Variants in PER2 observed in about 807,000 individuals in gnomAD.
PER2 encodes the protein period circadian regulator 2.
In PER2, 66 loss-of-function variants were observed where a neutral mutation model predicts 121.0. That is an observed-to-expected ratio of 0.55 (90% CI 0.45 to 0.67). The LOEUF (loss-of-function observed/expected upper bound fraction) is 0.67. PER2 is among the 30% of genes least tolerant of loss of function. The pLI is 0.00. For missense variants in PER2, 1,521 were observed against 1,635.0 expected (o/e 0.93, Z 1.20); for synonymous variants, 684 against 659.9 (o/e 1.04, Z -0.56).
In PER2 at chr2:238,253,148, G is replaced by C; in HGVS notation, c.2875C>G (p.Pro959Ala). ...FPSRTSIPRQ[P>A]CACPATRATP... ...GCCCGGGTGGCTGGACAAGCACATG[G>C]CTGTCTGGGGATCGAGGTCCGGCTG... The change falls in exon 19 of 23, where the codon CCA becomes GCA. Residue 959 changes from proline (P) to alanine (A), a missense_variant. By Grantham distance (27) the Pro-to-Ala change is conservative. Transcript: ENST00000254657. The surrounding 1 kb of genome is among the most constrained non-coding windows in gnomAD (Gnocchi z 5.6). 6.2e-7 allele frequency: 1 copy of C among 1,600,132 alleles called. No homozygotes were observed. Among genetic ancestry groups the C allele is most frequent in the Non-Finnish European group, 8.5e-7 (1 of 1,170,092 alleles).
At chr2:238,287,646 A>G (rs915171171) in intron 1 of PER2, among the ~76,000 whole-genome samples, 5 of 152,222 alleles carry the variant, frequency 3.3e-5, no homozygotes, top group African/African-American at 4.8e-5. Flanking sequence ...GATCCTGCAG[A>G]CAGCCTGGGC....
In PER2 at chr2:238,252,113, C is replaced by A. The variant is rs987180886; in HGVS notation, c.3112-352G>T. On this transcript the variant is annotated intron_variant, in intron 19 of 22. Coordinates refer to ENST00000254657, the MANE Select transcript of PER2 (RefSeq NM_022817.3). This position sits in a 1 kb window ranked among gnomAD's most constrained non-coding sequence, Gnocchi z 4.2. ...TGGATGGGGAAAACGCCTCTCACAG[C>A]ACCCGGTGTGGGGGCTGCCTTGGGA... 7.2e-5 allele frequency among the ~76,000 whole-genome samples: 11 copies of A among 152,212 alleles called. No homozygotes were observed. The highest frequency in any genetic ancestry group is 2.4e-4 in the African/African-American group (10 of 41,460).
At chr2:238,259,336 G>GT (rs1274482654) in intron 14 of PER2, among the ~76,000 whole-genome samples, 4 of 152,228 alleles carry the variant, frequency 2.6e-5, no homozygotes, top group African/African-American at 9.6e-5. Context: ...GTGTGCACAC[G>GT]TGTCTGTGTG....
At chr2:238,247,025 T>C (rs953541568) in intron 22 of PER2, among the ~76,000 whole-genome samples, 1 of 152,102 alleles carries the variant, frequency 6.6e-6, no homozygotes, top group Admixed American at 6.5e-5. Flanking sequence ...TCCAGAGGCA[T>C]AGGGTATATA....
chr2:238,249,352 A>C (rs1695537391), intron 21 of PER2, 140 bp from the exon 22 acceptor site: 1 of 774,666 alleles, frequency 1.3e-6, no homozygotes, highest in Non-Finnish European at 2.1e-6. Flanking sequence ...ATTTAAGGTA[A>C]CTTAATCTCC....
rs750516287 is a variant in PER2 at position 238,255,635 on chromosome 2, T to C, written c.2320+22A>G. On this transcript the variant is annotated intron_variant, in intron 18 of 22. Transcript: ENST00000254657. ...AGGAATAAAGTTTTTTAAAACGCAC[T>C]TTTAATTCGGGTATCACTTACTTCG... 13 of 1,614,034 alleles carry C rather than the reference T, an allele frequency of 8.1e-6. No individual in the cohort carries two copies. In the South Asian group the frequency reaches 1.3e-4, roughly 16 times the overall value.
At chr2:238,295,877 C>A in the PER2 span, 1 of 211,384 alleles carries the variant, frequency 4.7e-6, no homozygotes, top group South Asian at 5.7e-5. Flanking sequence ...AACGGGCTCC[C>A]TCTGGCCCTG....
intron 18 of PER2, chr2:238,255,429 A>G (rs1695729729): frequency 1.7e-6 from 1 of 602,898 alleles, no homozygotes; most frequent in East Asian, 2.8e-5. Context: ...CACCTCGGGC[A>G]CTAGCCTGGG....
chr2:238,252,020 C>G lies in PER2; in HGVS notation c.3112-259G>C, dbSNP rs761936626. Among the ~76,000 whole-genome samples, 3 of 152,182 alleles carry G rather than the reference C, an allele frequency of 2.0e-5. No homozygotes were observed. Among genetic ancestry groups the G allele is most frequent in the Non-Finnish European group, 4.4e-5 (3 of 68,020 alleles). On this transcript the variant is annotated intron_variant, in intron 19 of 22. Transcript: ENST00000254657. This position sits in a 1 kb window ranked among gnomAD's most constrained non-coding sequence, Gnocchi z 4.2. ...AGAGTCACATGGAAGACGGCAATAC[C>G]TGGGCTCCAGGGGGGAAAGCCTCAG...
intron 21 of PER2, among the ~76,000 whole-genome samples, chr2:238,250,314 G>A (rs1695562884): frequency 6.6e-6 from 1 of 152,262 alleles, no homozygotes; most frequent in South Asian, 2.1e-4. Context: ...CTCGAAGGCT[G>A]TAGGGTGTGA....
intron 12 of PER2, 41 bp downstream of exon 12, chr2:238,261,688 G>A (rs1695937823): frequency 7.4e-7 from 1 of 1,345,156 alleles, no homozygotes; most frequent in East Asian, 2.5e-5. Context: ...GGGGCTCTCA[G>A]GCTGCTACCT....
At chr2:238,264,773 C>A (rs1696043271) in intron 9 of PER2, among the ~76,000 whole-genome samples, 1 of 152,156 alleles carries the variant, frequency 6.6e-6, no homozygotes, top group Non-Finnish European at 1.5e-5. Flanking sequence ...CAGGTGCACA[C>A]CACCACACCC....
At chr2:238,255,336 C>T (rs1176181624) in intron 18 of PER2, 3 of 444,556 alleles carry the variant, frequency 6.7e-6, no homozygotes, top group Non-Finnish European at 1.2e-5. Flanking sequence ...CTCTGGAGGT[C>T]CCGTCCAGGT....
intron 22 of PER2, among the ~76,000 whole-genome samples, chr2:238,248,730 C>A (rs1695513642): frequency 6.6e-6 from 1 of 151,496 alleles, no homozygotes; most frequent in African/African-American, 2.4e-5. Flanking sequence ...ATCTTGGCTC[C>A]CTGCAAGCTC....
upstream of PER2, among the ~76,000 whole-genome samples, chr2:238,294,786 G>C (rs574700184): frequency 6.6e-6 from 1 of 152,208 alleles, no homozygotes; most frequent in East Asian, 1.9e-4. Flanking sequence ...AGGGAAGGCC[G>C]CAAAGTCAGG....
chr2:238,257,857 T>C (rs1433121252), intron 16 of PER2, among the ~76,000 whole-genome samples: 2 of 152,270 alleles, frequency 1.3e-5, no homozygotes, highest in Non-Finnish European at 2.9e-5. Flanking sequence ...ATGTGATTTA[T>C]GGGCCATGTT....
chr2:238,262,419 A>C, intron 10 of PER2, 75 bp from the exon 11 acceptor site: 1 of 1,453,182 alleles, frequency 6.9e-7, no homozygotes, highest in Admixed American at 1.7e-5. Context: ...ACAAGTCAAG[A>C]GTCACTCAGG....
chr2:238,261,057 C>T, intron 12 of PER2, 104 bp from the exon 13 acceptor site: 1 of 1,377,328 alleles, frequency 7.3e-7, no homozygotes, highest in South Asian at 1.3e-5. Flanking sequence ...TGGCGACCCG[C>T]CTAAGGCTAC....
intron 1 of PER2, among the ~76,000 whole-genome samples, chr2:238,283,168 GC>G (rs1229523877): frequency 6.6e-6 from 1 of 152,208 alleles, no homozygotes; most frequent in Non-Finnish European, 1.5e-5. Flanking sequence ...GGCAGAAAAT[GC>G]CCCCTCCCTC....
Sources: gnomAD v4.1 joint callset for allele counts (sites outside exome capture counted in the v4.1 genomes callset) on GRCh38, gnomAD v4.1.1 for gene constraint, Gnocchi (gnomAD v3.1) non-coding constraint, MANE v1.5 for transcripts, NCBI Gene and HGNC (gene_info 2026-07-23, HGNC 2026-07-21) for gene names.